The following BCL7C variants were observed in gnomAD, a reference collection of about 807,000 sequenced individuals.
BCL7C encodes BAF chromatin remodeling complex subunit BCL7C, also known as B-cell CLL/lymphoma 7 protein family member C.
A neutral mutation model predicts 26.2 loss-of-function variants in BCL7C; 8 were observed. The observed-to-expected ratio is 0.30, with a 90% CI of 0.18 to 0.55. The LOEUF is 0.55. Ranked by LOEUF, BCL7C falls within the 20% of genes least tolerant of loss-of-function variation. The pLI, the probability that BCL7C is intolerant of heterozygous loss-of-function variation, is 0.93. For synonymous variants in BCL7C, 90 were observed against 116.5 expected, an observed-to-expected ratio of 0.77 and a Z score of 1.47; for missense variants, 262 against 298.5, an observed-to-expected ratio of 0.88 and a Z score of 0.90.
At chr16:30,835,200 A>C in intron 5 of BCL7C, 1 of 1,390,234 alleles carries the variant, frequency 7.2e-7, no homozygotes, top group Non-Finnish European at 9.5e-7. Context: ...TCCCCACCTC[A>C]CTGAGTTTCC....
At chr16:30,873,274 A>C (rs2054897057) in intron 5 of BCL7C, among the ~76,000 whole-genome samples, 1 of 152,224 alleles carries the variant, frequency 6.6e-6, no homozygotes, top group Admixed American at 6.5e-5. Context: ...ATCTCAGTCA[A>C]AAAAGGCCAC....
intron 5 of BCL7C, among the ~76,000 whole-genome samples, chr16:30,853,110 T>A (rs1428837766): frequency 6.6e-6 from 1 of 151,046 alleles, no homozygotes; most frequent in African/African-American, 2.4e-5. Context: ...TAATTTTGTA[T>A]TTTTTTCAGT....
chr16:30,882,317 A>G (rs958664748), intron 5 of BCL7C, among the ~76,000 whole-genome samples: 1 of 152,162 alleles, frequency 6.6e-6, no homozygotes, highest in Non-Finnish European at 1.5e-5. Flanking sequence ...TAAGTACACA[A>G]TAAGTACCTA....
At chr16:30,852,954 T>C (rs992076172) in intron 5 of BCL7C, among the ~76,000 whole-genome samples, 2 of 151,688 alleles carry the variant, frequency 1.3e-5, no homozygotes, top group Admixed American at 1.3e-4. Context: ...TATTTTTTGA[T>C]ACGGAGTTTT....
At chr16:30,840,656 G>C (rs2054596299) in intron 5 of BCL7C, 1 of 152,268 alleles carries the variant, frequency 6.6e-6, no homozygotes, top group African/African-American at 2.4e-5. Flanking sequence ...ACATACCCGA[G>C]ACTGGGTAAT....
chr16:30,873,245 AAAC>A (rs2054896742), intron 5 of BCL7C, among the ~76,000 whole-genome samples: 1 of 152,232 alleles, frequency 6.6e-6, no homozygotes, highest in Non-Finnish European at 1.5e-5. Context: ...ATTTTGTTAA[AAAC>A]AACAACAAAA....
chr16:30,893,281 T>C lies in BCL7C; in HGVS notation c.102A>G (p.Arg34=). The change falls in exon 2 of 6, where the codon CGA becomes CGG. Residue 34 remains arginine, a synonymous_variant. Coordinates refer to ENST00000215115, the MANE Select transcript of BCL7C (RefSeq NM_004765.4). This position sits in a 1 kb window ranked among gnomAD's most constrained non-coding sequence, Gnocchi z 5.2. ...TIEKVRRWEK[R]WVTVGDTSLR... ...GGGAAGTGTCGCCCACAGTCACCCA[T>C]CGCTTCTCCCTGTGGGAGGGTGGGG... is the stretch of plus-strand genomic sequence containing the variant. 6.2e-7 allele frequency: 1 copy of C among 1,613,246 alleles called. No individual in the cohort carries two copies. The highest frequency in any genetic ancestry group is 8.5e-7 in the Non-Finnish European group (1 of 1,179,552).
chr16:30,877,198 C>T (rs1049718138), intron 5 of BCL7C, among the ~76,000 whole-genome samples: 2 of 152,250 alleles, frequency 1.3e-5, no homozygotes, highest in Admixed American at 6.5e-5. Flanking sequence ...CACCAACCTC[C>T]GCCCCATGAC....
At chr16:30,887,443 C>A (rs1362946873), downstream of BCL7C, among the ~76,000 whole-genome samples, 1 of 148,188 alleles carries the variant, frequency 6.7e-6, no homozygotes, top group Non-Finnish European at 1.5e-5. Flanking sequence ...CACCACTGCA[C>A]TCCTGCCTGG....
chr16:30,844,705 T>C (rs2054623998), intron 5 of BCL7C, among the ~76,000 whole-genome samples: 1 of 152,242 alleles, frequency 6.6e-6, no homozygotes, highest in African/African-American at 2.4e-5. Flanking sequence ...TCCTGTCATA[T>C]TGACCTTCAG....
At chr16:30,835,078 A>G in exon 6 of BCL7C, 1 of 1,547,326 alleles carries the variant, frequency 6.5e-7, no homozygotes, top group Non-Finnish European at 8.7e-7. Flanking sequence ...CCTGGGCAGG[A>G]GCCTCCTGAG....
At chr16:30,851,205 T>C (rs1260547013) in intron 5 of BCL7C, 3 of 303,786 alleles carry the variant, frequency 9.9e-6, no homozygotes, top group African/African-American at 6.6e-5. Flanking sequence ...CAGGTGAATA[T>C]GGTGGATGAG....
rs967400686 is a variant in BCL7C at position 30,835,197 on chromosome 16, C to T, written c.529-49G>A. The stretch of plus-strand genomic sequence containing the variant: ...GGGTAGTGTTTCCTCTTCTCCCCAC[C>T]TCACTGAGTTTCCACCAACTTGTCC... On this transcript the variant is annotated intron_variant, in intron 5 of 5. Transcript: ENST00000380317. The T allele has an allele frequency of 4.3e-6, 6 of 1,399,242 alleles. No homozygotes were observed. In the African/African-American group the frequency reaches 5.9e-5, roughly 14 times the overall value. The allele number at this position is 1,399,242 out of a possible 1,614,324, so 86.7% of individuals were successfully genotyped here.
At chr16:30,862,452 C>A (rs1016986706) in intron 5 of BCL7C, among the ~76,000 whole-genome samples, 5 of 152,122 alleles carry the variant, frequency 3.3e-5, no homozygotes, top group African/African-American at 1.2e-4. Flanking sequence ...TCAGTCAAGC[C>A]CTTTCTCATT....
At chr16:30,892,270 C>CAA (rs55772061) in intron 4 of BCL7C, among the ~76,000 whole-genome samples, 16 of 44,498 alleles carry the variant, frequency 3.6e-4, no homozygotes, top group African/African-American at 1.7e-3. Flanking sequence ...GACCCTTTCT[C>CAA]AAAAAAAAAA....
intron 5 of BCL7C, among the ~76,000 whole-genome samples, chr16:30,867,734 A>G (rs2054841480): frequency 2.0e-5 from 3 of 152,158 alleles, no homozygotes; most frequent in Non-Finnish European, 2.9e-5. Flanking sequence ...CGGAGGTTAC[A>G]GTGAGCCAAG....
downstream of BCL7C, among the ~76,000 whole-genome samples, chr16:30,886,297 C>T (rs1215207026): frequency 6.6e-6 from 1 of 152,134 alleles, no homozygotes; most frequent in East Asian, 1.9e-4. Flanking sequence ...ACCCCTGGGG[C>T]AGATGAGGCC....
intron 5 of BCL7C, among the ~76,000 whole-genome samples, chr16:30,855,939 G>A (rs1439333194): frequency 6.6e-6 from 1 of 151,440 alleles, no homozygotes; most frequent in Non-Finnish European, 1.5e-5. Flanking sequence ...GCAGGCGCCT[G>A]TAATCCCAGC....
rs1491523089 is a variant in BCL7C at position 30,881,425 on chromosome 16, C to CACACACACACACACACAA, written c.528+7434_528+7435insTTGTGTGTGTGTGTGTGT. On this transcript the variant is annotated intron_variant, in intron 5 of 5. Coordinates refer to the BCL7C transcript ENST00000380317. ...ACACACACACACACACACACACACA[C>CACACACACACACACACAA]AACAAAAAATTAGGAACAAAACCTA... Among the ~76,000 whole-genome samples, 4 of 143,040 alleles carry CACACACACACACACACAA rather than the reference C, an allele frequency of 2.8e-5. No individual in the cohort carries two copies. The South Asian group carries it at 8.7e-4, about 31-fold the overall frequency. The allele number at this position is 143,040 out of a possible 152,430, so 93.8% of individuals were successfully genotyped here.
Sources: allele counts gnomAD v4.1 joint callset (sites outside exome capture counted in the v4.1 genomes callset), GRCh38; gene constraint gnomAD v4.1.1; non-coding constraint Gnocchi (gnomAD v3.1); transcripts MANE v1.5; gene names NCBI Gene and HGNC (gene_info 2026-07-23, HGNC 2026-07-21).